CORIN: variants seen among roughly 807,000 people sequenced by gnomAD.
The protein encoded by CORIN is atrial natriuretic peptide-converting enzyme.
CORIN carries 117 observed loss-of-function variants against 125.3 expected under a neutral mutation model. The ratio of observed to expected loss-of-function variants is 0.93; its 90% CI spans 0.80 to 1.09. The LOEUF (loss-of-function observed/expected upper bound fraction) is 1.09. Ranked by LOEUF, CORIN falls within the 50% of genes least tolerant of loss-of-function variation. CORIN has a pLI of 0.00. For synonymous variants in CORIN, 450 were observed against 466.4 expected, an observed-to-expected ratio of 0.96 and a Z score of 0.45; for missense variants, 1,253 against 1,306.7, an observed-to-expected ratio of 0.96 and a Z score of 0.63.
chr4:47,697,820 G>C (rs1054894136), intron 5 of CORIN, among the ~76,000 whole-genome samples: 8 of 152,072 alleles, frequency 5.3e-5, no homozygotes, highest in Admixed American at 4.6e-4. Flanking sequence ...CTGGGGGAGA[G>C]AGAAATTTGA....
intron 19 of CORIN, among the ~76,000 whole-genome samples, chr4:47,614,399 A>G (rs1721994021): frequency 6.6e-6 from 1 of 151,948 alleles, no homozygotes; most frequent in Non-Finnish European, 1.5e-5. Flanking sequence ...GTTTCACCAT[A>G]TTTTATCCAG....
rs988185867 is a variant in CORIN at position 47,837,805 on chromosome 4, C to T, written c.63+82G>A. On this transcript the variant is annotated intron_variant, in intron 1 of 21. Coordinates refer to ENST00000273857, the MANE Select transcript of CORIN (RefSeq NM_006587.4). ...CATCGGGCGGAGGAGAGGACGGGGG[C>T]GGGAGGGGCTGACCCTGAATTCACC... 4 of 1,218,696 alleles carry T rather than the reference C, an allele frequency of 3.3e-6. No homozygotes were observed. In the African/African-American group the frequency reaches 4.4e-5, roughly 14 times the overall value. 75.5% of individuals were successfully genotyped at this position (1,218,696 alleles called of 1,614,324 possible). A position where few individuals can be genotyped will look rare whatever the true frequency, so the allele number is the denominator to read the frequency against.
rs566136153 is a variant in CORIN, at chr4:47,790,508, G to A, written c.209-3583C>T. Among the ~76,000 whole-genome samples, 3 of 152,226 alleles carry A rather than the reference G, an allele frequency of 2.0e-5. No homozygotes were observed. The South Asian group carries it at 6.2e-4, about 32-fold the overall frequency. ...AATTCCAGTTTTCTCACCGTTCAAA[G>A]TGTCTGTGAGCCTAATCTTTCATGG... is the stretch of plus-strand genomic sequence containing the variant. On this transcript the variant is annotated intron_variant, in intron 2 of 21. Transcript: ENST00000273857.
intron 5 of CORIN, among the ~76,000 whole-genome samples, chr4:47,699,652 C>A (rs559985131): frequency 6.6e-6 from 1 of 152,296 alleles, no homozygotes; most frequent in South Asian, 2.1e-4. Flanking sequence ...GTCTATGGAG[C>A]ATGAATAAAT....
At chr4:47,785,909 CAAAAA>C (rs11313881) in intron 3 of CORIN, among the ~76,000 whole-genome samples, 1 of 80,496 alleles carries the variant, frequency 1.2e-5, no homozygotes. Context: ...GACTCCATCT[CAAAAA>C]AAAAAAAAAA....
chr4:47,641,634 A>C (rs900403231), intron 16 of CORIN, among the ~76,000 whole-genome samples: 6 of 152,236 alleles, frequency 3.9e-5, no homozygotes, highest in Non-Finnish European at 8.8e-5. Flanking sequence ...AAAGGAAATG[A>C]TTGTAATGCT....
At chr4:47,732,677 C>A (rs1312512806) in intron 5 of CORIN, among the ~76,000 whole-genome samples, 2 of 151,980 alleles carry the variant, frequency 1.3e-5, no homozygotes, top group Non-Finnish European at 2.9e-5. Context: ...AATTCTCCTG[C>A]CTCAGCCTCT....
intron 5 of CORIN, among the ~76,000 whole-genome samples, chr4:47,731,591 C>T (rs1560523964): frequency 6.6e-6 from 1 of 152,136 alleles, no homozygotes; most frequent in South Asian, 2.1e-4. Context: ...CAAATGCTGG[C>T]CGGGCACGGT....
At chr4:47,645,230 T>G (rs369344363) in intron 13 of CORIN, 36 bp from the exon 14 acceptor site, 19 of 1,210,002 alleles carry the variant, frequency 1.6e-5, no homozygotes, top group Non-Finnish European at 7.2e-6. Context: ...GCAATAGACG[T>G]GGAATTGAAA....
At chr4:47,770,083 G>A (rs1030056733) in intron 3 of CORIN, among the ~76,000 whole-genome samples, 3 of 151,990 alleles carry the variant, frequency 2.0e-5, no homozygotes, top group African/African-American at 7.3e-5. Context: ...CTTACAAAAT[G>A]GGAGAAAATA....
chr4:47,606,375 C>A (rs1022591302), intron 19 of CORIN, among the ~76,000 whole-genome samples: 1 of 152,128 alleles, frequency 6.6e-6, no homozygotes, highest in African/African-American at 2.4e-5. Context: ...GCCTCAGCCC[C>A]CCACCAAGTA....
chr4:47,797,364 A>G (rs554348346), intron 2 of CORIN, among the ~76,000 whole-genome samples: 3 of 151,986 alleles, frequency 2.0e-5, no homozygotes, highest in Admixed American at 1.3e-4. Flanking sequence ...TGAAGGCAGC[A>G]CAAACCATTG....
chr4:47,699,111 T>C (rs1333253289), intron 5 of CORIN, among the ~76,000 whole-genome samples: 2 of 152,218 alleles, frequency 1.3e-5, no homozygotes, highest in Non-Finnish European at 2.9e-5. Context: ...CTTCTGACTA[T>C]AGGTTGGCTC....
At chr4:47,721,637 G>T (rs148947441) in intron 5 of CORIN, among the ~76,000 whole-genome samples, 2 of 152,064 alleles carry the variant, frequency 1.3e-5, no homozygotes, top group Admixed American at 6.5e-5. Context: ...TTGGGGTTAC[G>T]GTTTCAGCAT....
At chr4:47,651,310 T>C (rs1284185379) in intron 13 of CORIN, among the ~76,000 whole-genome samples, 1 of 152,256 alleles carries the variant, frequency 6.6e-6, no homozygotes, top group Non-Finnish European at 1.5e-5. Flanking sequence ...GGCAAGAAGC[T>C]TGGGGTGAAA....
intron 10 of CORIN, among the ~76,000 whole-genome samples, chr4:47,671,801 G>A (rs1319907149): frequency 6.6e-6 from 1 of 151,978 alleles, no homozygotes; most frequent in Non-Finnish European, 1.5e-5. Flanking sequence ...ATGTTAGCCA[G>A]GATGGTCTCA....
chr4:47,671,371 G>A (rs1374443606), intron 10 of CORIN, among the ~76,000 whole-genome samples: 1 of 152,122 alleles, frequency 6.6e-6, no homozygotes, highest in African/African-American at 2.4e-5. Context: ...GTTCATTTGT[G>A]CCTCAGAAGC....
At chr4:47,678,346 G>A (rs1043621250) in intron 8 of CORIN, among the ~76,000 whole-genome samples, 1 of 152,206 alleles carries the variant, frequency 6.6e-6, no homozygotes, top group African/African-American at 2.4e-5. Context: ...TATGGCAAGA[G>A]CTGTGCTAAC....
rs547706361 is a variant in CORIN at position 47,683,682 on chromosome 4, A to G, written c.1021+49T>C. 20 of 1,392,302 alleles carry G rather than the reference A, an allele frequency of 1.4e-5. No individual in the cohort carries two copies. The South Asian group carries it at 2.5e-4, about 17-fold the overall frequency. 86.2% of individuals were successfully genotyped at this position (1,392,302 alleles called of 1,614,324 possible). On this transcript the variant is annotated intron_variant, in intron 7 of 21. Transcript: ENST00000273857. ...AATGAACTGTAAGTTTTTGGTTATA[A>G]ATTTCTATGATTTTAAATTAAAACC...
Sources: gnomAD v4.1 joint callset for allele counts (sites outside exome capture counted in the v4.1 genomes callset) on GRCh38, gnomAD v4.1.1 for gene constraint, MANE v1.5 for transcripts, NCBI Gene and HGNC (gene_info 2026-07-23, HGNC 2026-07-21) for gene names.